Variants in COMMD1 observed in about 807,000 individuals in gnomAD.
COMMD1 encodes copper metabolism domain containing 1.
Under a neutral mutation model 17.2 loss-of-function variants are expected in COMMD1, and 10 were observed. The observed-to-expected ratio is 0.58, with a 90% CI of 0.36 to 0.99. COMMD1 has a LOEUF of 0.99. Among genes scored for constraint, COMMD1 ranks in the 50% least tolerant of loss-of-function variants. The pLI, the probability that COMMD1 is intolerant of heterozygous loss-of-function variation, is 0.01. For synonymous variants in COMMD1, 97 were observed against 91.6 expected, an observed-to-expected ratio of 1.06 and a Z score of -0.34; for missense variants, 270 against 231.8, an observed-to-expected ratio of 1.17 and a Z score of -1.07.
intron 1 of COMMD1, chr2:61,918,618 G>A (rs1483332469): frequency 6.6e-6 from 1 of 152,132 alleles, no homozygotes; most frequent in Admixed American, 6.5e-5. Context: ...AGGAGTGGCT[G>A]GGTAAGGAGA....
At chr2:61,906,199 G>A (rs921918975) in intron 1 of COMMD1, among the ~76,000 whole-genome samples, 1 of 152,138 alleles carries the variant, frequency 6.6e-6, no homozygotes, top group African/African-American at 2.4e-5. Flanking sequence ...GTTTTAGGTC[G>A]CTAGCTTTCC....
chr2:62,010,074 T>C (rs1164521414), intron 2 of COMMD1, among the ~76,000 whole-genome samples: 1 of 152,202 alleles, frequency 6.6e-6, no homozygotes, highest in African/African-American at 2.4e-5. Flanking sequence ...GTATTGTAGA[T>C]TAGACTGCTG....
intron 1 of COMMD1, among the ~76,000 whole-genome samples, chr2:61,917,774 G>T (rs761663776): frequency 1.3e-5 from 2 of 152,132 alleles, no homozygotes; most frequent in African/African-American, 2.4e-5. Flanking sequence ...CTCGTGATCC[G>T]CCCGCCTTGG....
In COMMD1 at chr2:61,995,724, T is replaced by A. The variant is rs531530497; in HGVS notation, c.181-4977T>A. Among the ~76,000 whole-genome samples, 16 of 152,352 alleles carry A rather than the reference T, an allele frequency of 1.1e-4. No individual in the cohort carries two copies. In the South Asian group the frequency reaches 3.3e-3, roughly 32 times the overall value. The stretch of plus-strand genomic sequence containing the variant: ...AACTGTTGAGGCTTTGGCCCTGCAC[T>A]TATCTCATGGTGCTTTCAGAAAAAT... On this transcript the variant is annotated intron_variant, in intron 1 of 2. Coordinates refer to ENST00000311832, the MANE Select transcript of COMMD1 (RefSeq NM_152516.4).
chr2:61,983,405 G>T (rs947679070), intron 1 of COMMD1, among the ~76,000 whole-genome samples: 1 of 152,016 alleles, frequency 6.6e-6, no homozygotes, highest in Non-Finnish European at 1.5e-5. Flanking sequence ...TAGCCAGGAT[G>T]GTGTCAATCT....
At chr2:61,940,811 C>G (rs1347617671) in intron 1 of COMMD1, among the ~76,000 whole-genome samples, 1 of 151,704 alleles carries the variant, frequency 6.6e-6, no homozygotes, top group South Asian at 2.1e-4. Flanking sequence ...CTCAGCCTCC[C>G]GAGTAGCTAG....
At chr2:62,111,054 T>C (rs1672442441) in intron 2 of COMMD1, among the ~76,000 whole-genome samples, 1 of 152,190 alleles carries the variant, frequency 6.6e-6, no homozygotes, top group African/African-American at 2.4e-5. Flanking sequence ...TGATTGAGTC[T>C]CTAGTGATTT....
At chr2:61,889,484 T>TTC (rs1304930641) in intron 1 of COMMD1, among the ~76,000 whole-genome samples, 1 of 152,134 alleles carries the variant, frequency 6.6e-6, no homozygotes, top group Admixed American at 6.5e-5. Context: ...GTACTGGGAT[T>TTC]ACAGGCGTGA....
intron 2 of COMMD1, among the ~76,000 whole-genome samples, chr2:62,004,235 T>C (rs1419417537): frequency 6.6e-6 from 1 of 152,242 alleles, no homozygotes; most frequent in Non-Finnish European, 1.5e-5. Flanking sequence ...GTACATCACA[T>C]ACTTCAAAGT....
At chr2:62,027,907 C>T (rs950812751) in intron 2 of COMMD1, among the ~76,000 whole-genome samples, 20 of 152,066 alleles carry the variant, frequency 1.3e-4, no homozygotes, top group Non-Finnish European at 2.6e-4. Flanking sequence ...CCCACCTTGA[C>T]CTCCCAAAGT....
intron 1 of COMMD1, among the ~76,000 whole-genome samples, chr2:61,947,101 A>G (rs1444559067): frequency 6.6e-6 from 1 of 152,184 alleles, no homozygotes; most frequent in Non-Finnish European, 1.5e-5. Context: ...TAGAAATATA[A>G]ACTTCTTCAT....
intron 1 of COMMD1, among the ~76,000 whole-genome samples, chr2:61,944,388 C>G (rs1670849979): frequency 6.6e-6 from 1 of 151,924 alleles, no homozygotes; most frequent in Non-Finnish European, 1.5e-5. Context: ...GAAGTTGAGA[C>G]TGCAGTGAGC....
rs370907564 is a variant in COMMD1, at chr2:61,905,710, C to G, written c.32C>G (p.Pro11Arg). The G allele has an allele frequency of 2.5e-6, 4 of 1,599,842 alleles. No individual in the cohort carries two copies. The highest frequency in any genetic ancestry group is 3.5e-5 in the Admixed American group (2 of 57,856). ...GCGGGCGAGCTTGAGGGTGGCAAAC[C>G]CCTGAGCGGGCTGCTGAATGCGCTG... MAAGELEGGKPLSGLLNALAQ... is the reference protein window; with the variant it reads MAAGELEGGKRLSGLLNALAQ... The change falls in exon 1 of 3, where the codon CCC (proline) becomes CGC (arginine). Residue 11 changes from proline to arginine, a missense_variant. Physicochemically the swap from Pro to Arg is moderately radical, Grantham distance 103 (BLOSUM62 -2). Coordinates refer to ENST00000311832, the MANE Select transcript of COMMD1 (RefSeq NM_152516.4).
At chr2:61,949,333 C>CT (rs1670992463) in intron 1 of COMMD1, among the ~76,000 whole-genome samples, 1 of 152,124 alleles carries the variant, frequency 6.6e-6, no homozygotes, top group South Asian at 2.1e-4. Context: ...GGGAGAACTT[C>CT]TAGCCTAAGA....
intron 1 of COMMD1, 71 bp downstream of exon 1, chr2:61,905,929 C>A (rs989965146): frequency 3.4e-6 from 5 of 1,484,698 alleles, no homozygotes; most frequent in Middle Eastern, 1.9e-4. Flanking sequence ...CTCTCCCCCC[C>A]TTGCCTTCCC....
intron 1 of COMMD1, among the ~76,000 whole-genome samples, chr2:61,960,827 C>G (rs1406183141): frequency 6.6e-6 from 1 of 152,186 alleles, no homozygotes; most frequent in African/African-American, 2.4e-5. Flanking sequence ...CAGAAGTAGA[C>G]CACCAAGGAA....
At chr2:62,006,864 A>G (rs1669135518) in intron 2 of COMMD1, among the ~76,000 whole-genome samples, 1 of 152,192 alleles carries the variant, frequency 6.6e-6, no homozygotes, top group South Asian at 2.1e-4. Flanking sequence ...GGGAGAAGGG[A>G]TGGTAATTTA....
intron 2 of COMMD1, among the ~76,000 whole-genome samples, chr2:62,052,812 C>G (rs377207546): frequency 3.3e-5 from 5 of 152,162 alleles, no homozygotes; most frequent in Non-Finnish European, 7.4e-5. Flanking sequence ...TGGTGGCTCA[C>G]GCCTATAATC....
At chr2:61,962,126 C>G (rs1362906781) in intron 1 of COMMD1, among the ~76,000 whole-genome samples, 1 of 152,084 alleles carries the variant, frequency 6.6e-6, no homozygotes, top group East Asian at 1.9e-4. Flanking sequence ...AGCTGAAGGC[C>G]TACTGAACTT....
Sources: gnomAD v4.1 joint callset for allele counts (sites outside exome capture counted in the v4.1 genomes callset) on GRCh38, gnomAD v4.1.1 for gene constraint, MANE v1.5 for transcripts, NCBI Gene and HGNC (gene_info 2026-07-23, HGNC 2026-07-21) for gene names.